The following BLTP1 variants were observed in gnomAD, a reference collection of about 807,000 sequenced individuals.
BLTP1 encodes bridge-like lipid transfer protein family member 1.
At chr4:122,333,695 T>A in the BLTP1 span, 1 of 1,612,084 alleles carries the variant, frequency 6.2e-7, no homozygotes, top group Non-Finnish European at 8.5e-7. Flanking sequence ...AGTTTCAAAC[T>A]AATTATGCTT....
chr4:122,270,057 C>G, the BLTP1 span, among the ~76,000 whole-genome samples: 14 of 152,098 alleles, frequency 9.2e-5, no homozygotes, highest in East Asian at 2.7e-3. Context: ...CTTCTCCTGT[C>G]TGTTCTAATT....
the BLTP1 span, among the ~76,000 whole-genome samples, chr4:122,159,186 G>A: frequency 6.6e-6 from 1 of 152,120 alleles, no homozygotes; most frequent in Non-Finnish European, 1.5e-5. Flanking sequence ...TTGGCTGGGC[G>A]CGGTGGGTGG....
chr4:122,181,237 G>A, the BLTP1 span: 1,666 of 951,642 alleles, frequency 1.8e-3, 1 homozygote, highest in Admixed American at 3.0e-3. Context: ...AATTAGATGC[G>A]TTCTTTTTTT....
the BLTP1 span, chr4:122,291,966 GTTTT>G: frequency 8.4e-5 from 10 of 118,830 alleles, no homozygotes; most frequent in East Asian, 2.4e-4. Flanking sequence ...GCATCAAACA[GTTTT>G]TTTTTTTTTT....
the BLTP1 span, among the ~76,000 whole-genome samples, chr4:122,181,481 A>C: frequency 6.6e-6 from 1 of 152,084 alleles, no homozygotes; most frequent in South Asian, 2.1e-4. Flanking sequence ...AGAAACATCA[A>C]CTTCCTTCTT....
the BLTP1 span, chr4:122,152,637 A>T: frequency 1.0e-6 from 1 of 985,414 alleles, no homozygotes. Context: ...CCCTTTTTCC[A>T]GTGTCTCTGG....
At chr4:122,212,360 G>A in the BLTP1 span, among the ~76,000 whole-genome samples, 1 of 152,128 alleles carries the variant, frequency 6.6e-6, no homozygotes, top group African/African-American at 2.4e-5. Context: ...GACCTAAAAT[G>A]TATGTCAAAT....
At chr4:122,362,232 CAAAG>C in the BLTP1 span, 5 of 1,611,986 alleles carry the variant, frequency 3.1e-6, no homozygotes, top group Admixed American at 1.7e-5. Context: ...AAGGCAAAGA[CAAAG>C]AAGAACACTA....
At chr4:122,350,664 T>C in the BLTP1 span, among the ~76,000 whole-genome samples, 2 of 152,160 alleles carry the variant, frequency 1.3e-5, no homozygotes, top group African/African-American at 4.8e-5. Flanking sequence ...AATGTGAGGA[T>C]AGCTATTTTA....
chr4:122,170,956 T>A, the BLTP1 span, among the ~76,000 whole-genome samples: 3 of 152,180 alleles, frequency 2.0e-5, no homozygotes, highest in Admixed American at 6.5e-5. Context: ...CTCATCTGAC[T>A]TAGGGGAAGT....
At chr4:122,273,988 C>A in the BLTP1 span, among the ~76,000 whole-genome samples, 1 of 151,950 alleles carries the variant, frequency 6.6e-6, no homozygotes, top group Admixed American at 6.6e-5. Context: ...TATGTGGTTT[C>A]TTTTTCTTAT....
the BLTP1 span, among the ~76,000 whole-genome samples, chr4:122,169,021 C>T: frequency 6.6e-6 from 1 of 152,126 alleles, no homozygotes; most frequent in Non-Finnish European, 1.5e-5. Context: ...GATCATAGCT[C>T]ACCGTAACCT....
At chr4:122,278,670 T>A in the BLTP1 span, among the ~76,000 whole-genome samples, 1 of 152,280 alleles carries the variant, frequency 6.6e-6, no homozygotes, top group Middle Eastern at 3.4e-3. Flanking sequence ...TTTTATCTGC[T>A]CCCCATGCGG....
the BLTP1 span, among the ~76,000 whole-genome samples, chr4:122,317,526 ACTT>A: frequency 2.6e-5 from 4 of 152,228 alleles, no homozygotes; most frequent in African/African-American, 7.2e-5. Flanking sequence ...ACTAAGTAAT[ACTT>A]CTTCTATTAC....
At chr4:122,232,204 A>G in the BLTP1 span, 36 of 727,340 alleles carry the variant, frequency 4.9e-5, no homozygotes, top group Non-Finnish European at 5.7e-5. Flanking sequence ...AGCTGTTACA[A>G]TTTCATGGAT....
chr4:122,264,113 T>C, the BLTP1 span: 2 of 1,235,410 alleles, frequency 1.6e-6, no homozygotes. Context: ...AAAGTATGCA[T>C]TATTTTTTTT....
chr4:122,292,943 C>A, the BLTP1 span: 75 of 391,256 alleles, frequency 1.9e-4, no homozygotes, highest in Admixed American at 1.5e-3. Context: ...GGAACTGATA[C>A]CCCAAAGGCT....
chr4:122,310,151 G>T, the BLTP1 span, among the ~76,000 whole-genome samples: 7 of 151,948 alleles, frequency 4.6e-5, no homozygotes, highest in African/African-American at 1.7e-4. Flanking sequence ...TTTAGAAAGC[G>T]GTAGCCCATT....
the BLTP1 span, among the ~76,000 whole-genome samples, chr4:122,235,205 A>AT: frequency 6.6e-6 from 1 of 151,998 alleles, no homozygotes; most frequent in Non-Finnish European, 1.5e-5. Context: ...AAAACTAGTG[A>AT]TTTTTTCAGA....
Sources: allele counts gnomAD v4.1 joint callset (sites outside exome capture counted in the v4.1 genomes callset), GRCh38; gene constraint gnomAD v4.1.1; transcripts MANE v1.5; gene names NCBI Gene and HGNC (gene_info 2026-07-23, HGNC 2026-07-21).